PLCB1: variants seen among roughly 807,000 people sequenced by gnomAD.
PLCB1 encodes phospholipase C beta 1, also known as 1-phosphatidylinositol 4,5-bisphosphate phosphodiesterase beta-1.
A neutral mutation model predicts 161.8 loss-of-function variants in PLCB1; 46 were observed. The observed-to-expected ratio is 0.28, with a 90% CI of 0.22 to 0.36. PLCB1 has a LOEUF of 0.36. Among genes scored for constraint, PLCB1 ranks in the 10% least tolerant of loss-of-function variants. PLCB1 has a pLI of 1.00. For synonymous variants in PLCB1, 517 were observed against 503.7 expected (o/e 1.03, Z -0.35); for missense variants, 1,016 against 1,472.5 (o/e 0.69, Z 5.07).
intron 2 of PLCB1, among the ~76,000 whole-genome samples, chr20:8,252,174 C>T (rs544523947): frequency 2.0e-5 from 3 of 151,868 alleles, no homozygotes; most frequent in Non-Finnish European, 4.4e-5. Flanking sequence ...TTGGCAATGT[C>T]GAGATCCAGC....
chr20:8,739,308 A>G lies in PLCB1; in HGVS notation c.2256A>G (p.Glu752=). The stretch of plus-strand genomic sequence containing the variant: ...GTTTGAGAATAGCAGTTTATGAAGA[A>G]GGAGGTAAATTCATTGGCCACCGTA... ...LACLRIAVYE[E]GGKFIGHRIL... The change falls in exon 21 of 32, where the codon GAA becomes GAG. Residue 752 remains glutamate (E), a synonymous_variant. Coordinates refer to ENST00000338037, the MANE Select transcript of PLCB1 (RefSeq NM_015192.4). 6.2e-7 allele frequency: 1 copy of G among 1,614,120 alleles called. No homozygotes were observed. The highest frequency in any genetic ancestry group is 1.3e-5 in the African/African-American group (1 of 75,060).
At chr20:8,861,235 T>C (rs1482614770) in intron 31 of PLCB1, among the ~76,000 whole-genome samples, 1 of 152,244 alleles carries the variant, frequency 6.6e-6, no homozygotes, top group East Asian at 1.9e-4. Flanking sequence ...GCAAACATAC[T>C]TGTATAAAGC....
chr20:8,143,931 G>A (rs1301430856), intron 1 of PLCB1, among the ~76,000 whole-genome samples: 1 of 152,126 alleles, frequency 6.6e-6, no homozygotes, highest in Non-Finnish European at 1.5e-5. Context: ...TGTATTATAC[G>A]ATATTTAGCA....
intron 3 of PLCB1, among the ~76,000 whole-genome samples, chr20:8,526,110 A>T (rs1293814143): frequency 2.0e-5 from 3 of 152,080 alleles, no homozygotes; most frequent in Non-Finnish European, 4.4e-5. Flanking sequence ...TGAGTATGTT[A>T]ATTTTGTGAA....
At chr20:8,168,665 A>G (rs1401075834) in intron 2 of PLCB1, among the ~76,000 whole-genome samples, 1 of 152,144 alleles carries the variant, frequency 6.6e-6, no homozygotes, top group East Asian at 1.9e-4. Context: ...GGAAACCTTA[A>G]GTCATCTTTG....
At chr20:8,637,338 T>G (rs2123251557) in intron 4 of PLCB1, among the ~76,000 whole-genome samples, 1 of 152,238 alleles carries the variant, frequency 6.6e-6, no homozygotes, top group East Asian at 1.9e-4. Context: ...ATTCAACAAA[T>G]ATTTACAGGC....
chr20:8,391,124 C>T (rs1360986409), intron 3 of PLCB1, among the ~76,000 whole-genome samples: 1 of 151,036 alleles, frequency 6.6e-6, no homozygotes, highest in Admixed American at 6.6e-5. Flanking sequence ...ATTCCATGCA[C>T]TAATATAGAT....
intron 26 of PLCB1, among the ~76,000 whole-genome samples, chr20:8,772,608 T>TA (rs917636167): frequency 2.2e-4 from 34 of 152,176 alleles, no homozygotes; most frequent in African/African-American, 8.0e-4. Flanking sequence ...GAAATGCCTT[T>TA]ATGCCCTGGT....
rs147379792 is a variant in PLCB1 at position 8,701,417 on chromosome 20, T to C, written c.1167+3634T>C. Among the ~76,000 whole-genome samples the C allele has an allele frequency of 5.3e-3, 803 of 152,230 alleles. 14 individuals are homozygous for C. Among genetic ancestry groups the C allele is most frequent in the African/African-American group, 0.019 (776 of 41,534 alleles). On this transcript the variant is annotated intron_variant, in intron 11 of 31. Transcript: ENST00000338037. The stretch of plus-strand genomic sequence containing the variant: ...GTTCTTCCCTTGCCTCCTTGAAGCC[T>C]TCCTCAAATGTCACCTTCTCAGTGA...
At chr20:8,425,426 C>T (rs2122559432) in intron 3 of PLCB1, among the ~76,000 whole-genome samples, 1 of 152,218 alleles carries the variant, frequency 6.6e-6, no homozygotes, top group Non-Finnish European at 1.5e-5. Context: ...ATCATGTTAT[C>T]TATGGCAGTG....
intron 6 of PLCB1, among the ~76,000 whole-genome samples, chr20:8,648,951 A>G (rs1014368200): frequency 1.3e-5 from 2 of 150,876 alleles, no homozygotes; most frequent in Non-Finnish European, 3.0e-5. Flanking sequence ...TAAAAAAAAA[A>G]AAAGAAAGAA....
Position 8,729,037 on chromosome 20 carries a change from C to A in PLCB1, c.1764-13C>A. 1 of 1,577,816 alleles carries A rather than the reference C, an allele frequency of 6.3e-7. No homozygotes were observed. Among genetic ancestry groups the A allele is most frequent in the Non-Finnish European group, 8.6e-7 (1 of 1,158,854 alleles). Reference sequence around the variant, plus strand: ...TTTTATAATTGTATTCACTACTTAACATGATGGTCCAGATATAACAAAATG... The same window carrying A: ...TTTTATAATTGTATTCACTACTTAAAATGATGGTCCAGATATAACAAAATG... On this transcript the variant is annotated splice_polypyrimidine_tract_variant and intron_variant, in intron 17 of 31. Coordinates refer to ENST00000338037, the MANE Select transcript of PLCB1 (RefSeq NM_015192.4).
intron 3 of PLCB1, among the ~76,000 whole-genome samples, chr20:8,455,432 C>CTTTTTT (rs1175763739): frequency 1.2e-4 from 9 of 74,202 alleles, no homozygotes; most frequent in South Asian, 5.0e-4. Flanking sequence ...TATTCTTCCT[C>CTTTTTT]TTTTTTTTTT....
chr20:8,225,596 C>T lies in PLCB1; in HGVS notation c.177+75225C>T, dbSNP rs111365344. 1.1e-3 allele frequency among the ~76,000 whole-genome samples: 171 copies of T among 152,300 alleles called. 1 individual carries two copies. The highest frequency in any genetic ancestry group is 3.8e-3 in the African/African-American group (160 of 41,568). On this transcript the variant is annotated intron_variant, in intron 2 of 31. Coordinates refer to ENST00000338037, the MANE Select transcript of PLCB1 (RefSeq NM_015192.4). ...ACTTTTAGCTTCACCGACTTTTTCA[C>T]CTTTGGTATTATAGAGTCTACTTTC... is the stretch of plus-strand genomic sequence containing the variant.
intron 26 of PLCB1, among the ~76,000 whole-genome samples, chr20:8,765,844 G>A (rs6056079): frequency 0.25 from 37,443 of 151,874 alleles, 5,196 homozygotes; most frequent in Non-Finnish European, 0.32. Context: ...TACGCCTGGC[G>A]AATTTTTGTA....
intron 11 of PLCB1, among the ~76,000 whole-genome samples, chr20:8,701,604 GTTCC>G (rs1978360790): frequency 6.6e-6 from 1 of 152,112 alleles, no homozygotes; most frequent in Admixed American, 6.5e-5. Context: ...TAATTCCTAT[GTTCC>G]TTGTTTATTG....
Position 8,132,663 on chromosome 20 carries a change from T to C in PLCB1, c.12T>C (p.Ala4=), listed in dbSNP as rs757558506. The C allele has an allele frequency of 6.2e-7, 1 of 1,611,386 alleles. No homozygotes were observed. Among genetic ancestry groups the C allele is most frequent in the South Asian group, 1.1e-5 (1 of 90,848 alleles). Residue 4 remains alanine, a synonymous_variant, in exon 1 of 32, where the codon GCT becomes GCC. Coordinates refer to ENST00000338037, the MANE Select transcript of PLCB1 (RefSeq NM_015192.4). This position sits in a 1 kb window ranked among gnomAD's most constrained non-coding sequence, Gnocchi z 5.2. ...CCAGATGAGCCCAGATGGCCGGGGC[T>C]CAACCCGGAGTGCACGCCTTGCAAC... MAG[A]QPGVHALQLK...
At chr20:8,816,256 A>G (rs889349341) in intron 31 of PLCB1, among the ~76,000 whole-genome samples, 1 of 152,194 alleles carries the variant, frequency 6.6e-6, no homozygotes, top group Non-Finnish European at 1.5e-5. Context: ...TCACAACTGA[A>G]GAATATTAAT....
At chr20:8,368,473 G>A (rs111632846) in intron 2 of PLCB1, among the ~76,000 whole-genome samples, 69 of 137,222 alleles carry the variant, frequency 5.0e-4, no homozygotes, top group African/African-American at 1.8e-3. Flanking sequence ...GTTGCAGTGA[G>A]TTGAGATTGC....
Sources: gnomAD v4.1 joint callset for allele counts (sites outside exome capture counted in the v4.1 genomes callset) on GRCh38, gnomAD v4.1.1 for gene constraint, Gnocchi (gnomAD v3.1) non-coding constraint, MANE v1.5 for transcripts, NCBI Gene and HGNC (gene_info 2026-07-23, HGNC 2026-07-21) for gene names.